The following C8orf34 variants were observed in gnomAD, a reference collection of about 807,000 sequenced individuals.
C8orf34 encodes the protein chromosome 8 open reading frame 34, also known as uncharacterized protein C8orf34.
Under a neutral mutation model 68.3 loss-of-function variants are expected in C8orf34, and 65 were observed. That is an observed-to-expected ratio of 0.95 (90% CI 0.78 to 1.17). The LOEUF is 1.17. Among genes scored for constraint, C8orf34 ranks in the 50% most tolerant of loss-of-function variants. C8orf34 has a pLI of 0.00. For missense variants in C8orf34, 664 were observed against 655.4 expected (o/e 1.01, Z -0.14); for synonymous variants, 244 against 241.2 (o/e 1.01, Z -0.11).
At chr8:68,439,783 G>T in intron 2 of C8orf34, 137 bp downstream of exon 2, 2 of 725,406 alleles carry the variant, frequency 2.8e-6, no homozygotes, top group Non-Finnish European at 4.2e-6. Flanking sequence ...ACCTTACCTA[G>T]ATGCTAAAAT....
chr8:68,750,699 T>C (rs1460478343), intron 10 of C8orf34, among the ~76,000 whole-genome samples: 1 of 152,214 alleles, frequency 6.6e-6, no homozygotes, highest in Admixed American at 6.5e-5. Context: ...TAATTTGCTT[T>C]GGTACACTGC....
chr8:68,342,510 T>A (rs536256569), intron 1 of C8orf34, among the ~76,000 whole-genome samples: 1 of 152,340 alleles, frequency 6.6e-6, no homozygotes, highest in Non-Finnish European at 1.5e-5. Flanking sequence ...CCCCCTCTTA[T>A]CTGTGGTTTC....
intron 10 of C8orf34, among the ~76,000 whole-genome samples, chr8:68,748,526 A>G (rs565889372): frequency 2.4e-4 from 37 of 152,220 alleles, no homozygotes; most frequent in African/African-American, 7.9e-4. Flanking sequence ...CAATGAACTC[A>G]AATAAATTTA....
intron 6 of C8orf34, among the ~76,000 whole-genome samples, chr8:68,522,759 G>A (rs1467790322): frequency 1.3e-5 from 2 of 152,156 alleles, no homozygotes; most frequent in South Asian, 2.1e-4. Context: ...AAAATATCAC[G>A]GGAGGCATGG....
intron 7 of C8orf34, among the ~76,000 whole-genome samples, chr8:68,607,280 C>T (rs899468966): frequency 6.6e-6 from 1 of 152,124 alleles, no homozygotes; most frequent in East Asian, 1.9e-4. Context: ...TTCACTAAGG[C>T]TGCCATAATA....
intron 7 of C8orf34, chr8:68,534,267 G>C: frequency 3.0e-6 from 3 of 985,330 alleles, no homozygotes; most frequent in Non-Finnish European, 3.6e-6. Flanking sequence ...ATTACATGCT[G>C]TTGGTCCCTT....
At chr8:68,496,395 TTAAG>T (rs1246649582) in intron 5 of C8orf34, among the ~76,000 whole-genome samples, 1 of 152,182 alleles carries the variant, frequency 6.6e-6, no homozygotes, top group Non-Finnish European at 1.5e-5. Context: ...TTGAGCAAAT[TTAAG>T]AGAGAGGTAA....
At chr8:68,462,916 A>AGG (rs1554555400) in intron 3 of C8orf34, among the ~76,000 whole-genome samples, 14 of 152,178 alleles carry the variant, frequency 9.2e-5, no homozygotes, top group Non-Finnish European at 1.5e-4. Flanking sequence ...TCAAAAGCTA[A>AGG]CAGAAGACAA....
intron 7 of C8orf34, among the ~76,000 whole-genome samples, chr8:68,610,669 C>T (rs914068909): frequency 6.6e-5 from 10 of 151,988 alleles, no homozygotes; most frequent in African/African-American, 2.4e-4. Context: ...ATTATTATGC[C>T]TTTCTCCGTT....
intron 8 of C8orf34, among the ~76,000 whole-genome samples, chr8:68,685,868 C>A (rs1820500683): frequency 7.2e-6 from 1 of 138,006 alleles, no homozygotes; most frequent in Non-Finnish European, 1.5e-5. Context: ...CAGAGTGAGA[C>A]CCTATCTCAG....
chr8:68,440,985 T>A (rs1024430033), intron 2 of C8orf34, among the ~76,000 whole-genome samples: 10 of 152,086 alleles, frequency 6.6e-5, no homozygotes, highest in Admixed American at 2.0e-4. Context: ...TTTGTATTTT[T>A]AGTAGAGACG....
At chr8:68,683,378 A>T (rs1324798159) in intron 8 of C8orf34, among the ~76,000 whole-genome samples, 1 of 151,510 alleles carries the variant, frequency 6.6e-6, no homozygotes, top group Non-Finnish European at 1.5e-5. Context: ...CTTAAAATTG[A>T]TTCCCGTGAA....
rs57673879 is a variant in C8orf34, at chr8:68,794,505, A to ATT, written c.1549+6986_1549+6987dup. Among the ~76,000 whole-genome samples, 175 of 62,232 alleles carry ATT rather than the reference A, an allele frequency of 2.8e-3. 6 individuals are homozygous for ATT. Among genetic ancestry groups the ATT allele is most frequent in the African/African-American group, 4.1e-3 (34 of 8,216 alleles). 40.8% of individuals were successfully genotyped at this position (62,232 alleles called of 152,430 possible). ...TAAATATATATATATATATATATAT[A>ATT]TTTTTTTTTTTTTTTTTTAGACAGG... On this transcript the variant is annotated intron_variant, in intron 12 of 13. Transcript: ENST00000518698.
chr8:68,575,947 T>C (rs1460864255), intron 7 of C8orf34, among the ~76,000 whole-genome samples: 1 of 141,394 alleles, frequency 7.1e-6, no homozygotes, highest in Non-Finnish European at 1.5e-5. Flanking sequence ...ATAATGCTAG[T>C]AGATGGTTGT....
At chr8:68,382,589 C>T (rs752111554) in intron 1 of C8orf34, among the ~76,000 whole-genome samples, 49 of 152,266 alleles carry the variant, frequency 3.2e-4, no homozygotes, top group African/African-American at 1.1e-3. Context: ...TTCCTGGCCT[C>T]CCATCTATTC....
At chr8:68,786,754 C>T (rs1216051600) in intron 11 of C8orf34, among the ~76,000 whole-genome samples, 1 of 151,984 alleles carries the variant, frequency 6.6e-6, no homozygotes, top group African/African-American at 2.4e-5. Context: ...ATGAATAGAG[C>T]CACTGAAAAA....
intron 7 of C8orf34, among the ~76,000 whole-genome samples, chr8:68,570,817 T>G (rs1053857815): frequency 6.6e-6 from 1 of 152,160 alleles, no homozygotes; most frequent in African/African-American, 2.4e-5. Context: ...GTGTGCACAT[T>G]AAGGTACGAG....
intron 4 of C8orf34, among the ~76,000 whole-genome samples, chr8:68,473,538 A>G (rs554203795): frequency 6.6e-6 from 1 of 152,292 alleles, no homozygotes; most frequent in East Asian, 1.9e-4. Context: ...GCATTCAGCC[A>G]TGCAAGCTTC....
intron 8 of C8orf34, among the ~76,000 whole-genome samples, chr8:68,678,795 G>T (rs114548843): frequency 0.038 from 5,486 of 142,724 alleles, 313 homozygotes; most frequent in African/African-American, 0.13. Flanking sequence ...AAAGGAAAAA[G>T]TTAAATTATC....
Sources: gnomAD v4.1 joint callset for allele counts (sites outside exome capture counted in the v4.1 genomes callset) on GRCh38, gnomAD v4.1.1 for gene constraint, MANE v1.5 for transcripts, NCBI Gene and HGNC (gene_info 2026-07-23, HGNC 2026-07-21) for gene names.